The following SMYD3 variants were observed in gnomAD, a reference collection of about 807,000 sequenced individuals.
The protein encoded by SMYD3 is SET and MYND domain containing 3.
SMYD3 carries 36 observed loss-of-function variants against 57.7 expected under a neutral mutation model. The observed-to-expected ratio is 0.62, with a 90% confidence interval of 0.48 to 0.82. The LOEUF (loss-of-function observed/expected upper bound fraction) is 0.82. Ranked by LOEUF, SMYD3 falls within the 40% of genes least tolerant of loss-of-function variation. The pLI, the probability that SMYD3 is intolerant of heterozygous loss-of-function variation, is 0.00. For missense variants in SMYD3, 515 were observed against 538.8 expected (o/e 0.96, Z 0.44); for synonymous variants, 211 against 195.0 (o/e 1.08, Z -0.68).
At chr1:246,039,102 G>A (rs2059825778) in intron 5 of SMYD3, among the ~76,000 whole-genome samples, 1 of 152,100 alleles carries the variant, frequency 6.6e-6, no homozygotes, top group Non-Finnish European at 1.5e-5. Flanking sequence ...TATAAGTGAA[G>A]GAACAAAACA....
At chr1:246,373,961 C>A (rs1319885864) in intron 1 of SMYD3, among the ~76,000 whole-genome samples, 1 of 152,166 alleles carries the variant, frequency 6.6e-6, no homozygotes, top group Non-Finnish European at 1.5e-5. Flanking sequence ...CAAAAATATA[C>A]TGACCCCCTT....
intron 10 of SMYD3, among the ~76,000 whole-genome samples, chr1:245,827,820 C>T (rs1370703752): frequency 6.6e-6 from 1 of 152,122 alleles, no homozygotes; most frequent in Non-Finnish European, 1.5e-5. Context: ...GATGTGAGGT[C>T]ACTCATGTGG....
At chr1:246,044,926 G>A (rs2059936090) in intron 5 of SMYD3, among the ~76,000 whole-genome samples, 1 of 152,118 alleles carries the variant, frequency 6.6e-6, no homozygotes. Context: ...ACTTACAAGG[G>A]ATGTGAAGGA....
intron 5 of SMYD3, among the ~76,000 whole-genome samples, chr1:246,010,518 GTTTAC>G (rs2059263173): frequency 6.6e-6 from 1 of 152,118 alleles, no homozygotes; most frequent in Non-Finnish European, 1.5e-5. Flanking sequence ...TACTACTTTG[GTTTAC>G]TTAAAAATGA....
chr1:246,018,468 T>C (rs2059415502), intron 5 of SMYD3, among the ~76,000 whole-genome samples: 2 of 152,244 alleles, frequency 1.3e-5, no homozygotes, highest in Admixed American at 6.5e-5. Context: ...AACTGAGCTT[T>C]AGAGAAACAG....
At chr1:246,274,942 A>G (rs997553421) in intron 5 of SMYD3, among the ~76,000 whole-genome samples, 2 of 152,208 alleles carry the variant, frequency 1.3e-5, no homozygotes, top group African/African-American at 4.8e-5. Flanking sequence ...TATGCAAAAA[A>G]ACTCAATGAC....
intron 5 of SMYD3, among the ~76,000 whole-genome samples, chr1:246,008,641 C>T (rs955197381): frequency 5.9e-5 from 9 of 152,174 alleles, no homozygotes; most frequent in South Asian, 4.1e-4. Context: ...TTTCCTTTCT[C>T]GAGCAACGCA....
chr1:245,818,360 C>A (rs933756281), intron 10 of SMYD3, among the ~76,000 whole-genome samples: 6 of 151,908 alleles, frequency 3.9e-5, no homozygotes, highest in Non-Finnish European at 8.8e-5. Flanking sequence ...ATTTTGTCAC[C>A]ACCAGGCCTG....
At chr1:246,506,993 C>CCCCCCCCCCCCCCCCCCCCCCCCCCA in intron 1 of SMYD3, 61 bp downstream of exon 1, 1 of 884,058 alleles carries the variant, frequency 1.1e-6, no homozygotes, top group African/African-American at 2.7e-5. Flanking sequence ...CCCGACGCCC[C>CCCCCCCCCCCCCCCCCCCCCCCCCCA]CCCCTCCCCA....
intron 5 of SMYD3, among the ~76,000 whole-genome samples, chr1:246,244,904 T>C (rs1263655071): frequency 6.6e-6 from 1 of 152,204 alleles, no homozygotes; most frequent in African/African-American, 2.4e-5. Context: ...TGAACTATTC[T>C]GAATACATAC....
intron 5 of SMYD3, among the ~76,000 whole-genome samples, chr1:246,056,772 G>GAA (rs77507292): frequency 2.0e-5 from 3 of 149,958 alleles, no homozygotes; most frequent in African/African-American, 4.9e-5. Flanking sequence ...AAACTAAAAA[G>GAA]AAAAAAAAAG....
chr1:245,952,119 A>C, intron 5 of SMYD3, among the ~76,000 whole-genome samples: 1 of 145,466 alleles, frequency 6.9e-6, no homozygotes, highest in African/African-American at 2.6e-5. Flanking sequence ...CAAAGAAAAT[A>C]AAACAGAAAT....
At chr1:246,216,167 A>G (rs2148407430) in intron 5 of SMYD3, among the ~76,000 whole-genome samples, 1 of 152,026 alleles carries the variant, frequency 6.6e-6, no homozygotes, top group East Asian at 1.9e-4. Context: ...CACACCTGCA[A>G]TCCCAGCTAC....
chr1:246,333,529 T>C (rs1241855190), intron 3 of SMYD3, among the ~76,000 whole-genome samples: 2 of 152,258 alleles, frequency 1.3e-5, no homozygotes, highest in African/African-American at 2.4e-5. Flanking sequence ...ATCCAGAATC[T>C]ATAAGGAACT....
intron 10 of SMYD3, among the ~76,000 whole-genome samples, chr1:245,847,723 C>T (rs1338678454): frequency 6.6e-6 from 1 of 152,074 alleles, no homozygotes. Context: ...ATTTGGTATC[C>T]TGCTGCTTAG....
chr1:246,496,353 T>C (rs2068363666), intron 1 of SMYD3, among the ~76,000 whole-genome samples: 1 of 152,102 alleles, frequency 6.6e-6, no homozygotes, highest in South Asian at 2.1e-4. Flanking sequence ...ATTTTTTTCA[T>C]TATAAGATGG....
At position 245,755,745 on chromosome 1, in the gene SMYD3, T is replaced by TC. The variant is rs2045578837; in HGVS notation, c.1186-6082dup. Among the ~76,000 whole-genome samples the TC allele has an allele frequency of 2.0e-5, 3 of 152,308 alleles. No homozygotes were observed. The South Asian group carries it at 6.2e-4, about 32-fold the overall frequency. On this transcript the variant is annotated intron_variant, in intron 11 of 11. Transcript: ENST00000490107. Reference sequence around the variant, plus strand: ...ATTGTGTTTTTATAATGTATCTTTTTCCATCATTTTGCTTTCAACCTATTT... The same window carrying TC: ...ATTGTGTTTTTATAATGTATCTTTTTCCCATCATTTTGCTTTCAACCTATTT...
intron 5 of SMYD3, among the ~76,000 whole-genome samples, chr1:246,273,096 T>G (rs1297985079): frequency 0.021 from 3,235 of 150,904 alleles, 120 homozygotes; most frequent in African/African-American, 0.075. Flanking sequence ...CCTATAATCC[T>G]TTTTCATTCT....
At chr1:246,151,229 G>A (rs1484657571) in intron 5 of SMYD3, among the ~76,000 whole-genome samples, 2 of 147,002 alleles carry the variant, frequency 1.4e-5, no homozygotes, top group Non-Finnish European at 3.0e-5. Context: ...CTGGGTAACA[G>A]AGTAAGACTC....
Sources: gnomAD v4.1 joint callset for allele counts (sites outside exome capture counted in the v4.1 genomes callset) on GRCh38, gnomAD v4.1.1 for gene constraint, MANE v1.5 for transcripts, NCBI Gene and HGNC (gene_info 2026-07-23, HGNC 2026-07-21) for gene names.